Variants in TRAPPC12 observed in about 807,000 individuals in gnomAD.
TRAPPC12 encodes TPR repeat protein 15.
TRAPPC12 carries 61 observed loss-of-function variants against 69.2 expected under a neutral mutation model. That is an observed-to-expected ratio of 0.88 (90% confidence interval 0.72 to 1.09). The LOEUF is 1.09. Among genes scored for constraint, TRAPPC12 ranks in the 50% least tolerant of loss-of-function variants. TRAPPC12 has a pLI of 0.00. For synonymous variants in TRAPPC12, 469 were observed against 438.9 expected, an observed-to-expected ratio of 1.07 and a Z score of -0.86; for missense variants, 1,101 against 1,016.4, an observed-to-expected ratio of 1.08 and a Z score of -1.13.
At chr2:3,406,324 G>C (rs1200301776) in intron 3 of TRAPPC12, among the ~76,000 whole-genome samples, 1 of 152,100 alleles carries the variant, frequency 6.6e-6, no homozygotes, top group Non-Finnish European at 1.5e-5. Context: ...CTGGTAGCCT[G>C]TGAACCACTG....
chr2:3,386,955 T>C (rs944697561), intron 1 of TRAPPC12, among the ~76,000 whole-genome samples: 1 of 152,202 alleles, frequency 6.6e-6, no homozygotes, highest in Admixed American at 6.5e-5. Flanking sequence ...TCAGCCACTA[T>C]GAAAAACAGT....
chr2:3,422,347 T>G (rs1189290061), intron 4 of TRAPPC12, among the ~76,000 whole-genome samples: 1 of 152,074 alleles, frequency 6.6e-6, no homozygotes. Flanking sequence ...ACAGGAGCAG[T>G]TGGTTCTGTC....
chr2:3,464,647 A>G (rs1309359372), intron 8 of TRAPPC12, among the ~76,000 whole-genome samples: 5 of 152,372 alleles, frequency 3.3e-5, no homozygotes, highest in Middle Eastern at 3.4e-3. Flanking sequence ...AGCTCGCTCA[A>G]TAAATGCGGC....
intron 9 of TRAPPC12, among the ~76,000 whole-genome samples, chr2:3,471,418 G>A (rs754166167): frequency 2.6e-5 from 4 of 152,156 alleles, no homozygotes; most frequent in Non-Finnish European, 4.4e-5. Flanking sequence ...AACTGTCAGC[G>A]CACCCGCCAG....
chr2:3,472,088 C>T (rs1666083271), intron 9 of TRAPPC12, among the ~76,000 whole-genome samples: 1 of 152,018 alleles, frequency 6.6e-6, no homozygotes, highest in South Asian at 2.1e-4. Context: ...CCAGGCAGGA[C>T]GAAGGGGGAC....
At chr2:3,409,749 TTAAAAA>T (rs1661944285) in intron 3 of TRAPPC12, among the ~76,000 whole-genome samples, 2 of 88,708 alleles carry the variant, frequency 2.3e-5, no homozygotes, top group Non-Finnish European at 4.3e-5. Context: ...GACTTTGTCT[TTAAAAA>T]AAAAAAAAAA....
chr2:3,419,357 G>C (rs913555570), intron 3 of TRAPPC12, among the ~76,000 whole-genome samples: 16 of 152,210 alleles, frequency 1.1e-4, no homozygotes, highest in African/African-American at 3.9e-4. Context: ...AGAGCCATTT[G>C]TATTATATAA....
At chr2:3,393,294 A>T (rs1478871623) in intron 2 of TRAPPC12, among the ~76,000 whole-genome samples, 1 of 150,664 alleles carries the variant, frequency 6.6e-6, no homozygotes, top group Non-Finnish European at 1.5e-5. Context: ...TACATGTGGA[A>T]TCTACAGAAG....
chr2:3,463,765 A>G (rs1665643033), intron 8 of TRAPPC12, among the ~76,000 whole-genome samples: 2 of 151,934 alleles, frequency 1.3e-5, no homozygotes, highest in African/African-American at 4.8e-5. Context: ...ACCCAGTGAC[A>G]CTGCCGGGCT....
At chr2:3,457,979 G>T in intron 7 of TRAPPC12, 1 of 1,279,860 alleles carries the variant, frequency 7.8e-7, no homozygotes, top group Non-Finnish European at 9.9e-7. Context: ...AGTGGTCTGA[G>T]TGGGCGCGAG....
At chr2:3,382,130 CTTTT>C (rs70938942) in intron 1 of TRAPPC12, among the ~76,000 whole-genome samples, 12 of 93,588 alleles carry the variant, frequency 1.3e-4, no homozygotes, top group East Asian at 2.8e-4. Flanking sequence ...TTTATTTCCA[CTTTT>C]TTTTTTTTTT....
Position 3,458,049 on chromosome 2 carries a change from TCTGCGTCGGGGACAGAGGCC to T in TRAPPC12, c.1603+357_1603+376del, listed in dbSNP as rs1665266912. ...GGCCTCTGCGTCGGGGAGAGAGGCC[TCTGCGTCGGGGACAGAGGCC>T]TCTGCGTCGGGGACAGAGGCTCGGG... On this transcript the variant is annotated intron_variant, in intron 7 of 11. Coordinates refer to ENST00000324266, the MANE Select transcript of TRAPPC12 (RefSeq NM_016030.6). 8.3e-6 allele frequency: 3 copies of T among 363,056 alleles called. No individual in the cohort carries two copies. In the South Asian group the frequency reaches 4.5e-4, roughly 55 times the overall value. The allele number at this position is 363,056 out of a possible 1,614,324, so 22.5% of individuals were successfully genotyped here.
rs531506045 is a variant in TRAPPC12 at position 3,383,531 on chromosome 2, A to T, written c.-5+3655A>T. ...CTCCTGCCTCAGCCTCCCGAGTAGC[A>T]GAGTAGCTGGGATTACAGGTGCCCG... On this transcript the variant is annotated intron_variant, in intron 1 of 11. Coordinates refer to ENST00000324266, the MANE Select transcript of TRAPPC12 (RefSeq NM_016030.6). Among the ~76,000 whole-genome samples, 262 of 150,792 alleles carry T rather than the reference A, an allele frequency of 1.7e-3. 1 individual carries two copies. Among genetic ancestry groups the T allele is most frequent in the South Asian group, 5.5e-3 (26 of 4,740 alleles).
intron 2 of TRAPPC12, among the ~76,000 whole-genome samples, chr2:3,390,808 A>C (rs1660780427): frequency 6.6e-6 from 1 of 152,152 alleles, no homozygotes; most frequent in East Asian, 1.9e-4. Flanking sequence ...AGGTGCGTTG[A>C]TCATGGGGAA....
At chr2:3,416,929 C>G (rs555018963) in intron 3 of TRAPPC12, among the ~76,000 whole-genome samples, 2 of 146,854 alleles carry the variant, frequency 1.4e-5, no homozygotes, top group East Asian at 4.1e-4. Context: ...TGCCCCTTCA[C>G]TGTGCCCTGC....
intron 9 of TRAPPC12, among the ~76,000 whole-genome samples, chr2:3,474,617 C>T (rs936829361): frequency 3.3e-5 from 5 of 152,168 alleles, no homozygotes; most frequent in South Asian, 2.1e-4. Flanking sequence ...TCCAGGGCGG[C>T]GTTTCCCCGG....
At chr2:3,388,706 T>G (rs1660650778) in intron 2 of TRAPPC12, 36 bp downstream of exon 2, 5 of 1,492,206 alleles carry the variant, frequency 3.4e-6, no homozygotes, top group South Asian at 2.6e-5. Context: ...AGCCCGTGCC[T>G]CCTCTCTGCG....
At chr2:3,391,049 G>A (rs1660795588) in intron 2 of TRAPPC12, among the ~76,000 whole-genome samples, 1 of 152,164 alleles carries the variant, frequency 6.6e-6, no homozygotes, top group South Asian at 2.1e-4. Flanking sequence ...CATGTAGCAT[G>A]CATAGTATGA....
chr2:3,380,801 A>G (rs1209274069), intron 1 of TRAPPC12, among the ~76,000 whole-genome samples: 2 of 152,224 alleles, frequency 1.3e-5, no homozygotes, highest in African/African-American at 4.8e-5. Context: ...GATAATTACT[A>G]TGCTTGTGTC....
Sources: gnomAD v4.1 joint callset for allele counts (sites outside exome capture counted in the v4.1 genomes callset) on GRCh38, gnomAD v4.1.1 for gene constraint, MANE v1.5 for transcripts, NCBI Gene and HGNC (gene_info 2026-07-23, HGNC 2026-07-21) for gene names.